DAPK2: variants seen among roughly 807,000 people sequenced by gnomAD.
The protein encoded by DAPK2 is death associated protein kinase 2, also known as death-associated protein kinase 2.
A neutral mutation model predicts 44.1 loss-of-function variants in DAPK2; 35 were observed. The observed-to-expected ratio is 0.79, with a 90% CI of 0.61 to 1.05. The LOEUF is 1.05. DAPK2 is among the 50% of genes least tolerant of loss of function. The pLI is 0.00. For synonymous variants in DAPK2, 174 were observed against 182.6 expected (o/e 0.95, Z 0.38); for missense variants, 453 against 483.2 (o/e 0.94, Z 0.59).
At chr15:63,910,382 G>A (rs575464107) in intron 10 of DAPK2, among the ~76,000 whole-genome samples, 3 of 152,194 alleles carry the variant, frequency 2.0e-5, no homozygotes, top group South Asian at 2.1e-4. Flanking sequence ...CCTCCCAGTC[G>A]CTCCCTGAGC....
chr15:63,933,416 T>A (rs181914117), intron 4 of DAPK2, among the ~76,000 whole-genome samples: 7 of 152,110 alleles, frequency 4.6e-5, no homozygotes, highest in African/African-American at 1.7e-4. Flanking sequence ...GCTAATTTTA[T>A]ATTTTTAGTA....
chr15:63,950,477 C>T (rs563298095), intron 3 of DAPK2, among the ~76,000 whole-genome samples: 4 of 152,040 alleles, frequency 2.6e-5, no homozygotes, highest in South Asian at 2.1e-4. Flanking sequence ...CTTAGCCTCC[C>T]AAAGTGCTGG....
chr15:63,908,651 C>G lies in DAPK2; in HGVS notation c.1033-51G>C, dbSNP rs1038002575. On this transcript the variant is annotated intron_variant, in intron 10 of 10. Transcript: ENST00000261891. This position sits in a 1 kb window ranked among gnomAD's most constrained non-coding sequence, Gnocchi z 5.7. ...CCAGGGCAGGAGGATCATGAGACGCCAGGAATGGGGCTGTGCTGGGCAACC... is the reference window on the plus strand; with the variant it reads ...CCAGGGCAGGAGGATCATGAGACGCGAGGAATGGGGCTGTGCTGGGCAACC... 2.7e-6 allele frequency: 4 copies of G among 1,496,246 alleles called. No individual in the cohort carries two copies. The highest frequency in any genetic ancestry group is 2.5e-5 in the East Asian group (1 of 40,736). The allele number at this position is 1,496,246 out of a possible 1,614,324, so 92.7% of individuals were successfully genotyped here. A position where few individuals can be genotyped will look rare whatever the true frequency, so the allele number is the denominator to read the frequency against.
intron 1 of DAPK2, among the ~76,000 whole-genome samples, chr15:64,010,388 T>C (rs1261908038): frequency 6.6e-6 from 1 of 152,216 alleles, no homozygotes; most frequent in Non-Finnish European, 1.5e-5. Context: ...AGTAATAATA[T>C]AACAACAGTA....
intron 2 of DAPK2, among the ~76,000 whole-genome samples, chr15:63,976,563 A>G (rs945354095): frequency 1.2e-4 from 19 of 152,154 alleles, no homozygotes; most frequent in Admixed American, 3.9e-4. Context: ...TACAAAAAAA[A>G]AAAACTTAGC....
At chr15:64,006,148 G>A (rs1455579926) in intron 1 of DAPK2, among the ~76,000 whole-genome samples, 1 of 151,862 alleles carries the variant, frequency 6.6e-6, no homozygotes, top group African/African-American at 2.4e-5. Flanking sequence ...CTCCTGAGAG[G>A]GTGTCAGGAC....
intron 4 of DAPK2, among the ~76,000 whole-genome samples, chr15:63,934,184 C>T (rs986154569): frequency 2.6e-5 from 4 of 151,316 alleles, no homozygotes. Flanking sequence ...AACCTAAAAA[C>T]CTCAGAACAT....
Position 63,971,640 on chromosome 15 carries a change from A to G in DAPK2, c.315-79T>C. ...TCATGAGGCTGGGCTGATAGGGGCA[A>G]GCCCTCATCCTGACCCCCCAGGGAC... On this transcript the variant is annotated intron_variant, in intron 2 of 10. Coordinates refer to ENST00000261891, the Ensembl canonical transcript of DAPK2. 1.2e-5 allele frequency: 18 copies of G among 1,516,096 alleles called. No homozygotes were observed. The South Asian group carries it at 2.2e-4, about 18-fold the overall frequency. 93.9% of individuals were successfully genotyped at this position (1,516,096 alleles called of 1,614,324 possible). A position where few individuals can be genotyped will look rare whatever the true frequency, so the allele number is the denominator to read the frequency against.
intron 1 of DAPK2, among the ~76,000 whole-genome samples, chr15:63,987,434 A>T (rs1246035136): frequency 2.0e-5 from 3 of 152,194 alleles, no homozygotes. Flanking sequence ...CTCTAATGAA[A>T]GTCATTGCTA....
Position 64,016,682 on chromosome 15 carries a change from G to A in DAPK2, c.92+23488C>T, listed in dbSNP as rs549910786. Among the ~76,000 whole-genome samples, 1,053 of 152,118 alleles carry A rather than the reference G, an allele frequency of 6.9e-3. 5 individuals carry two copies. The highest frequency in any genetic ancestry group is 0.012 in the Non-Finnish European group (836 of 67,986). ...TTTGCTCATGCTTGTAGTCCTAGCC[G>A]CTTCAGAGGCTGAAGTGGGAAGATC... On this transcript the variant is annotated intron_variant, in intron 1 of 10. Transcript: ENST00000261891.
In DAPK2 at chr15:63,912,068, G is replaced by GGC; in HGVS notation, c.948+39_948+40insGC. ...CTGGAGAGCCAGAAACCCCGCCCTA[G>GGC]CCCCCACCCTGTCCCCCGCCGCCCC... is the stretch of plus-strand genomic sequence containing the variant. On this transcript the variant is annotated intron_variant, in intron 9 of 10. Transcript: ENST00000261891. This position sits in a 1 kb window ranked among gnomAD's most constrained non-coding sequence, Gnocchi z 4.4. 1.5e-6 allele frequency: 2 copies of GGC among 1,312,394 alleles called. No individual in the cohort carries two copies. Among genetic ancestry groups the GGC allele is most frequent in the Non-Finnish European group, 2.2e-6 (2 of 924,234 alleles). 81.3% of individuals were successfully genotyped at this position (1,312,394 alleles called of 1,614,324 possible).
chr15:63,999,860 G>T (rs144892628), intron 1 of DAPK2, among the ~76,000 whole-genome samples: 9 of 151,716 alleles, frequency 5.9e-5, no homozygotes, highest in Admixed American at 5.9e-4. Flanking sequence ...CAAACTCCTC[G>T]GCTGAAGCTC....
At chr15:63,925,054 G>C (rs535268237) in intron 7 of DAPK2, among the ~76,000 whole-genome samples, 193 bp from the exon 9 acceptor site, 1 of 152,218 alleles carries the variant, frequency 6.6e-6, no homozygotes, top group Non-Finnish European at 1.5e-5. Context: ...AAGCAGTCCA[G>C]ACAGACCCCT....
Position 63,912,177 on chromosome 15 carries a change from G to C in DAPK2, c.879C>G (p.Ala293=). Residue 293 remains alanine (A), a synonymous_variant, in exon 9 of 11, where the codon GCC becomes GCG. Transcript: ENST00000261891. This position sits in a 1 kb window ranked among gnomAD's most constrained non-coding sequence, Gnocchi z 4.4. The stretch of plus-strand genomic sequence containing the variant: ...TGACCACAGACTCCCTGCGCACCAT[G>C]GCTTGCTGGTTGTCCACCGGCTGAG... 1.2e-6 allele frequency: 2 copies of C among 1,613,634 alleles called. No homozygotes were observed. Among genetic ancestry groups the C allele is most frequent in the Non-Finnish European group, 1.7e-6 (2 of 1,179,942 alleles).
At chr15:63,936,509 G>T (rs1269485256) in intron 4 of DAPK2, among the ~76,000 whole-genome samples, 3 of 152,172 alleles carry the variant, frequency 2.0e-5, no homozygotes, top group Non-Finnish European at 4.4e-5. Context: ...TACTAGGGAG[G>T]CTGAGGCACA....
chr15:63,983,815 A>C, intron 1 of DAPK2, 61 bp from the exon 3 acceptor site: 1 of 1,481,026 alleles, frequency 6.8e-7, no homozygotes, highest in Non-Finnish European at 9.2e-7. Context: ...AAATGACCCC[A>C]CTGTCAGCTA....
At chr15:63,957,410 G>A (rs1328530540) in intron 3 of DAPK2, among the ~76,000 whole-genome samples, 2 of 151,890 alleles carry the variant, frequency 1.3e-5, no homozygotes, top group Non-Finnish European at 2.9e-5. Context: ...ACAACGCGCA[G>A]GTTTGTTACA....
At chr15:63,954,511 C>G (rs1395535216) in intron 3 of DAPK2, among the ~76,000 whole-genome samples, 4 of 152,138 alleles carry the variant, frequency 2.6e-5, no homozygotes, top group African/African-American at 7.2e-5. Flanking sequence ...GTCTATGTGT[C>G]TGTTTTTATA....
chr15:63,992,607 C>T (rs1026483004), intron 1 of DAPK2, among the ~76,000 whole-genome samples: 1 of 152,234 alleles, frequency 6.6e-6, no homozygotes, highest in Non-Finnish European at 1.5e-5. Flanking sequence ...GCACTTCATT[C>T]TGTGGAGGCC....
Sources: gnomAD v4.1 joint callset for allele counts (sites outside exome capture counted in the v4.1 genomes callset) on GRCh38, gnomAD v4.1.1 for gene constraint, Gnocchi (gnomAD v3.1) non-coding constraint, MANE v1.5 for transcripts, NCBI Gene and HGNC (gene_info 2026-07-23, HGNC 2026-07-21) for gene names.